The following ATRNL1 variants were observed in gnomAD, a reference collection of about 807,000 sequenced individuals.
ATRNL1 encodes attractin-like protein 1.
A neutral mutation model predicts 182.7 loss-of-function variants in ATRNL1; 95 were observed. The observed-to-expected ratio is 0.52, with a 90% CI of 0.44 to 0.62. ATRNL1 has a LOEUF of 0.62. Among genes scored for constraint, ATRNL1 ranks in the 20% least tolerant of loss-of-function variants. ATRNL1 has a pLI of 0.00. For synonymous variants in ATRNL1, 576 were observed against 568.3 expected (o/e 1.01, Z -0.19); for missense variants, 1,471 against 1,679.5 (o/e 0.88, Z 2.17).
intron 19 of ATRNL1, among the ~76,000 whole-genome samples, chr10:115,370,449 A>G (rs1857334097): frequency 6.6e-6 from 1 of 152,212 alleles, no homozygotes; most frequent in South Asian, 2.1e-4. Context: ...TGATATGGAC[A>G]ATGAAATCCA....
At chr10:115,573,890 A>C (rs1248653018) in intron 26 of ATRNL1, among the ~76,000 whole-genome samples, 1 of 152,164 alleles carries the variant, frequency 6.6e-6, no homozygotes, top group Non-Finnish European at 1.5e-5. Context: ...TTGCTTTCAA[A>C]ATACTGAATA....
Position 115,132,003 on chromosome 10 carries a change from C to T in ATRNL1, c.829+2468C>T, listed in dbSNP as rs187059952. On this transcript the variant is annotated intron_variant, in intron 5 of 28. Coordinates refer to ENST00000355044, the MANE Select transcript of ATRNL1 (RefSeq NM_207303.4). ...CGTGCAGGTTTGTTACATATGTATA[C>T]ATGTGCCATGTTGGGGTGCTGCACC... Among the ~76,000 whole-genome samples, 148 of 152,150 alleles carry T rather than the reference C, an allele frequency of 9.7e-4. 4 individuals are homozygous for T. The East Asian group carries it at 0.024, about 24-fold the overall frequency.
chr10:115,366,671 C>T (rs1857061023), intron 19 of ATRNL1, among the ~76,000 whole-genome samples: 1 of 151,392 alleles, frequency 6.6e-6, no homozygotes, highest in Non-Finnish European at 1.5e-5. Context: ...TGTTCCTTTC[C>T]ATGTTTAGTG....
chr10:115,308,912 A>G (rs1474332866), intron 17 of ATRNL1, among the ~76,000 whole-genome samples: 3 of 152,140 alleles, frequency 2.0e-5, no homozygotes, highest in Admixed American at 1.3e-4. Flanking sequence ...TCTTTAATCC[A>G]TCTTGAGTTG....
chr10:115,829,475 G>A (rs1029274046), intron 27 of ATRNL1, among the ~76,000 whole-genome samples: 9 of 147,116 alleles, frequency 6.1e-5, no homozygotes, highest in Non-Finnish European at 1.2e-4. Context: ...CTCTTCAGGA[G>A]ATTTCAGCAG....
At chr10:115,647,437 T>G (rs1859701819) in intron 26 of ATRNL1, among the ~76,000 whole-genome samples, 1 of 152,200 alleles carries the variant, frequency 6.6e-6, no homozygotes, top group South Asian at 2.1e-4. Context: ...GCGTTCCTAT[T>G]TCTCTACATC....
intron 24 of ATRNL1, among the ~76,000 whole-genome samples, chr10:115,498,172 A>G (rs1015717865): frequency 1.3e-5 from 2 of 152,132 alleles, no homozygotes; most frequent in African/African-American, 4.8e-5. Flanking sequence ...TTTAAATACC[A>G]TAGTAAAATA....
intron 8 of ATRNL1, among the ~76,000 whole-genome samples, chr10:115,180,873 G>C (rs1197622156): frequency 6.6e-6 from 1 of 151,824 alleles, no homozygotes; most frequent in Non-Finnish European, 1.5e-5. Context: ...TTTTGGTAAG[G>C]GTTCAGATAG....
At chr10:115,824,397 G>T (rs538277313) in intron 27 of ATRNL1, among the ~76,000 whole-genome samples, 54 of 152,190 alleles carry the variant, frequency 3.5e-4, no homozygotes, top group Non-Finnish European at 5.4e-4. Context: ...AACACCAAAA[G>T]CAATGGCAAC....
chr10:115,191,185 G>A (rs541157994), intron 8 of ATRNL1, among the ~76,000 whole-genome samples: 3 of 152,236 alleles, frequency 2.0e-5, no homozygotes, highest in South Asian at 4.1e-4. Context: ...ACATGGGAAC[G>A]CAGATATCTC....
chr10:115,212,970 A>C (rs1231933208), intron 8 of ATRNL1, among the ~76,000 whole-genome samples: 1 of 152,120 alleles, frequency 6.6e-6, no homozygotes, highest in Non-Finnish European at 1.5e-5. Context: ...AATGTAACAA[A>C]CCTGCACTTG....
intron 26 of ATRNL1, among the ~76,000 whole-genome samples, chr10:115,560,153 A>G (rs1362898817): frequency 1.1e-4 from 17 of 152,316 alleles, no homozygotes; most frequent in East Asian, 3.9e-4. Context: ...TAAGAATAAA[A>G]TACACAGGAA....
chr10:115,486,415 C>T lies in ATRNL1; in HGVS notation c.3654+17086C>T, dbSNP rs1251005539. Among the ~76,000 whole-genome samples the T allele has an allele frequency of 5.9e-5, 9 of 152,198 alleles. No individual in the cohort carries two copies. In the South Asian group the frequency reaches 8.3e-4, roughly 14 times the overall value. ...ACATCCTCTCCAGCATCTGTCGTTTCCTGACTTTTTAATGATCACCATTCT... is the reference window on the plus strand; with the variant it reads ...ACATCCTCTCCAGCATCTGTCGTTTTCTGACTTTTTAATGATCACCATTCT... On this transcript the variant is annotated intron_variant, in intron 24 of 28. Transcript: ENST00000355044.
intron 8 of ATRNL1, among the ~76,000 whole-genome samples, chr10:115,181,705 A>G (rs1299809314): frequency 6.6e-6 from 1 of 151,746 alleles, no homozygotes; most frequent in Non-Finnish European, 1.5e-5. Flanking sequence ...TAGAAAGATG[A>G]TGCCACAGTG....
chr10:115,761,439 T>C (rs1358953646), intron 27 of ATRNL1, among the ~76,000 whole-genome samples: 1 of 142,872 alleles, frequency 7.0e-6, no homozygotes, highest in Non-Finnish European at 1.5e-5. Context: ...GATATGTGTA[T>C]GGTGGAGACA....
chr10:115,735,675 T>A (rs1947930565), intron 27 of ATRNL1, among the ~76,000 whole-genome samples: 2 of 152,190 alleles, frequency 1.3e-5, no homozygotes, highest in Non-Finnish European at 2.9e-5. Flanking sequence ...ACAAAGCTGA[T>A]GTGATAACCA....
intron 17 of ATRNL1, among the ~76,000 whole-genome samples, chr10:115,314,360 A>T (rs1456066408): frequency 6.6e-6 from 1 of 152,136 alleles, no homozygotes; most frequent in Non-Finnish European, 1.5e-5. Context: ...CAAGTTCCTG[A>T]TATTCACTGA....
At chr10:115,872,958 G>A (rs1205025102) in intron 28 of ATRNL1, among the ~76,000 whole-genome samples, 1 of 152,228 alleles carries the variant, frequency 6.6e-6, no homozygotes, top group Non-Finnish European at 1.5e-5. Flanking sequence ...TGAAATTCTA[G>A]CTGAACACAC....
chr10:115,944,285 T>TAA (rs10588486), intron 28 of ATRNL1, among the ~76,000 whole-genome samples: 1 of 131,734 alleles, frequency 7.6e-6, no homozygotes. Flanking sequence ...GTTTTGTTCC[T>TAA]AAAAAAAAAA....
Sources: gnomAD v4.1 joint callset for allele counts (sites outside exome capture counted in the v4.1 genomes callset) on GRCh38, gnomAD v4.1.1 for gene constraint, MANE v1.5 for transcripts, NCBI Gene and HGNC (gene_info 2026-07-23, HGNC 2026-07-21) for gene names.